LRRFIP2: variants seen among roughly 807,000 people sequenced by gnomAD.
LRRFIP2 encodes the protein LRR binding FLII interacting protein 2.
LRRFIP2 carries 109 observed loss-of-function variants against 125.9 expected under a neutral mutation model. The ratio of observed to expected loss-of-function variants is 0.87; its 90% CI spans 0.74 to 1.01. LRRFIP2 has a LOEUF of 1.01. LRRFIP2 is among the 50% of genes least tolerant of loss of function. The pLI is 0.00. For missense variants in LRRFIP2, 850 were observed against 862.3 expected (o/e 0.99, Z 0.18); for synonymous variants, 291 against 293.1 (o/e 0.99, Z 0.07).
chr3:37,115,101 T>C lies in LRRFIP2; in HGVS notation c.331-6A>G, dbSNP rs777627582. The stretch of plus-strand genomic sequence containing the variant: ...CTATCCTTGAACATATCATACTGGG[T>C]TTCAGCAAAACATGAAAGTTGGTTT... On this transcript the variant is annotated splice_polypyrimidine_tract_variant and splice_region_variant and intron_variant, in intron 6 of 27. Coordinates refer to ENST00000336686, the MANE Select transcript of LRRFIP2 (RefSeq NM_006309.4). 1 of 1,584,026 alleles carries C rather than the reference T, an allele frequency of 6.3e-7. No homozygotes were observed. The highest frequency in any genetic ancestry group is 1.2e-5 in the South Asian group (1 of 86,304).
chr3:37,078,172 T>G (rs1184234526), intron 19 of LRRFIP2, among the ~76,000 whole-genome samples: 1 of 152,090 alleles, frequency 6.6e-6, no homozygotes, highest in Non-Finnish European at 1.5e-5. Flanking sequence ...GATAATTAAA[T>G]TTTTTAAAAT....
intron 1 of LRRFIP2, among the ~76,000 whole-genome samples, chr3:37,164,675 C>G (rs1482405703): frequency 2.0e-5 from 3 of 150,138 alleles, no homozygotes; most frequent in Non-Finnish European, 4.4e-5. Context: ...GAGCCAAGAT[C>G]ATGCCACTGC....
intron 17 of LRRFIP2, among the ~76,000 whole-genome samples, chr3:37,092,913 A>G (rs1465026272): frequency 6.6e-6 from 1 of 151,756 alleles, no homozygotes; most frequent in Non-Finnish European, 1.5e-5. Flanking sequence ...ATCTCGGCTC[A>G]CTGCAACCTC....
At chr3:37,143,715 C>T in intron 2 of LRRFIP2, 1 of 166,942 alleles carries the variant, frequency 6.0e-6, no homozygotes, top group Non-Finnish European at 1.3e-5. Context: ...GACATATTTC[C>T]CCTATCTCTG....
chr3:37,096,165 T>C (rs1037513960), intron 16 of LRRFIP2, among the ~76,000 whole-genome samples: 1 of 152,202 alleles, frequency 6.6e-6, no homozygotes, highest in Non-Finnish European at 1.5e-5. Context: ...TCTTGATAAA[T>C]CATCTCCCTG....
chr3:37,157,578 G>A (rs2096235769), intron 1 of LRRFIP2, among the ~76,000 whole-genome samples: 1 of 151,646 alleles, frequency 6.6e-6, no homozygotes, highest in Admixed American at 6.6e-5. Flanking sequence ...GAGGAAGGAG[G>A]GAGGGATTAC....
At chr3:37,174,950 C>T (rs1172035309), upstream of LRRFIP2, 1 of 152,188 alleles carries the variant, frequency 6.6e-6, no homozygotes, top group Non-Finnish European at 1.5e-5. Context: ...ATTATCTCTG[C>T]ATCTGTTAAA....
At chr3:37,068,456 T>A (rs184405546) in intron 21 of LRRFIP2, 1 of 152,358 alleles carries the variant, frequency 6.6e-6, no homozygotes, top group Non-Finnish European at 1.5e-5. Context: ...CCTCTTCCCA[T>A]AATTACAGAT....
intron 20 of LRRFIP2, 74 bp downstream of exon 20, chr3:37,074,950 C>A: frequency 1.0e-6 from 1 of 964,862 alleles, no homozygotes; most frequent in Non-Finnish European, 1.7e-6. Flanking sequence ...ACTCTCCTTC[C>A]CTCCCAACAC....
At chr3:37,172,572 A>C (rs2096600330) in intron 1 of LRRFIP2, among the ~76,000 whole-genome samples, 2 of 152,170 alleles carry the variant, frequency 1.3e-5, no homozygotes, top group Non-Finnish European at 2.9e-5. Context: ...TAAAAGTCCC[A>C]TAAACATCTA....
chr3:37,061,847 T>C lies in LRRFIP2; in HGVS notation c.1749+1895A>G, dbSNP rs142662943. Reference sequence around the variant, plus strand: ...TATACCAGATCTCATCATTAGACAATTGTAATCCCTACACAATTTAGTTCC... The same window carrying C: ...TATACCAGATCTCATCATTAGACAACTGTAATCCCTACACAATTTAGTTCC... On this transcript the variant is annotated intron_variant, in intron 24 of 27. Coordinates refer to ENST00000336686, the MANE Select transcript of LRRFIP2 (RefSeq NM_006309.4). Among the ~76,000 whole-genome samples the C allele has an allele frequency of 7.1e-3, 1,084 of 152,230 alleles. 8 individuals are homozygous for C. The highest frequency in any genetic ancestry group is 0.01 in the Non-Finnish European group (700 of 68,014).
intron 1 of LRRFIP2, among the ~76,000 whole-genome samples, chr3:37,150,802 C>T (rs2096002396): frequency 6.6e-6 from 1 of 152,152 alleles, no homozygotes. Context: ...TAAGTCTGTC[C>T]TAACACAATT....
intron 1 of LRRFIP2, among the ~76,000 whole-genome samples, chr3:37,150,350 T>C (rs1051675660): frequency 1.3e-5 from 2 of 152,052 alleles, no homozygotes; most frequent in African/African-American, 4.8e-5. Context: ...TAATCCCAGC[T>C]ACTTGGGAGG....
rs1225375192 is a variant in LRRFIP2, at chr3:37,091,571, A to G, written c.1036-33T>C. On this transcript the variant is annotated intron_variant, in intron 17 of 27. Transcript: ENST00000336686. ...ACATAGGAATGAACCATTGCATAAAACCATGCACAAACGTATCTTAAATCG... is the reference window on the plus strand; with the variant it reads ...ACATAGGAATGAACCATTGCATAAAGCCATGCACAAACGTATCTTAAATCG... The G allele has an allele frequency of 4.8e-6, 7 of 1,452,874 alleles. No individual in the cohort carries two copies. The East Asian group carries it at 1.2e-4, about 24-fold the overall frequency. The allele number at this position is 1,452,874 out of a possible 1,614,324, so 90.0% of individuals were successfully genotyped here.
At position 37,112,341 on chromosome 3, in the gene LRRFIP2, AG is replaced by A. The variant is rs763025954; in HGVS notation, c.438+573del. Among the ~76,000 whole-genome samples, 224 of 149,144 alleles carry A rather than the reference AG, an allele frequency of 1.5e-3. 13 individuals carry two copies. Among genetic ancestry groups the A allele is most frequent in the African/African-American group, 3.9e-3 (161 of 40,932 alleles). On this transcript the variant is annotated intron_variant, in intron 8 of 27. Transcript: ENST00000336686. Reference sequence around the variant, plus strand: ...CAGAGCGAGACTCCATCTCAAAAAAAGAAAAAAAAAAAGAAAAGAAAAAAAG... The same window carrying A: ...CAGAGCGAGACTCCATCTCAAAAAAAAAAAAAAAAAAGAAAAGAAAAAAAG...
upstream of LRRFIP2, chr3:37,176,269 G>C (rs2096661281): frequency 6.6e-6 from 1 of 152,272 alleles, no homozygotes; most frequent in Non-Finnish European, 1.5e-5. Flanking sequence ...CTGCGCCGCG[G>C]CTGAGACAGC....
chr3:37,123,247 G>C (rs2095136936), intron 4 of LRRFIP2, among the ~76,000 whole-genome samples: 1 of 152,170 alleles, frequency 6.6e-6, no homozygotes, highest in South Asian at 2.1e-4. Flanking sequence ...GGAATGCAGT[G>C]GCGCGACCTC....
intron 23 of LRRFIP2, chr3:37,064,106 C>CA (rs1272070347): frequency 3.3e-6 from 1 of 299,400 alleles, no homozygotes; most frequent in African/African-American, 2.2e-5. Context: ...CACTAGTAGA[C>CA]AGACAACTCA....
chr3:37,153,581 T>C (rs1424484975), intron 1 of LRRFIP2, among the ~76,000 whole-genome samples: 2 of 152,162 alleles, frequency 1.3e-5, no homozygotes, highest in African/African-American at 4.8e-5. Flanking sequence ...CCATTTTCTT[T>C]CCTTCTCAAC....
Sources: gnomAD v4.1 joint callset for allele counts (sites outside exome capture counted in the v4.1 genomes callset) on GRCh38, gnomAD v4.1.1 for gene constraint, MANE v1.5 for transcripts, NCBI Gene and HGNC (gene_info 2026-07-23, HGNC 2026-07-21) for gene names.